The following CYP26B1 variants were observed in gnomAD, a reference collection of about 807,000 sequenced individuals.
CYP26B1 encodes cytochrome P450 26B1.
CYP26B1 carries 8 observed loss-of-function variants against 39.1 expected under a neutral mutation model. The observed-to-expected ratio is 0.20, with a 90% CI of 0.12 to 0.37. The LOEUF is 0.37. CYP26B1 is among the 10% of genes least tolerant of loss of function. The probability of loss-of-function intolerance (pLI) is 1.00; values close to 1 mark genes in which losing one functional copy is unlikely to be tolerated. For synonymous variants in CYP26B1, 321 were observed against 314.3 expected (o/e 1.02, Z -0.23); for missense variants, 615 against 707.0 (o/e 0.87, Z 1.48).
chr2:72,131,824 T>G lies in CYP26B1; in HGVS notation c.*403A>C. On this transcript the variant is annotated 3_prime_UTR_variant, in exon 6 of 6. Transcript: ENST00000001146. ...CGCAGGAGGAGGAGACGCTGAAGAG[T>G]GCGCCCAAGGGGGCACGGCTCTTCC... is the stretch of plus-strand genomic sequence containing the variant. 5.1e-6 allele frequency: 1 copy of G among 194,788 alleles called. No homozygotes were observed. The highest frequency in any genetic ancestry group is 5.6e-5 in the Admixed American group (1 of 17,986). The allele number at this position is 194,788 out of a possible 1,614,324, so 12.1% of individuals were successfully genotyped here. A position where few individuals can be genotyped will look rare whatever the true frequency, so the allele number is the denominator to read the frequency against.
At chr2:72,135,863 T>C (rs1314112264) in intron 2 of CYP26B1, among the ~76,000 whole-genome samples, 1 of 152,156 alleles carries the variant, frequency 6.6e-6, no homozygotes, top group African/African-American at 2.4e-5. Context: ...TGGGTGCAGA[T>C]TCTAGTAAGT....
intron 2 of CYP26B1, among the ~76,000 whole-genome samples, chr2:72,142,625 C>T (rs997526791): frequency 3.9e-5 from 6 of 152,222 alleles, no homozygotes; most frequent in African/African-American, 1.4e-4. Flanking sequence ...CCACTCTCCT[C>T]GCTCTTTGGA....
rs1354771195 is a variant in CYP26B1, at chr2:72,135,130, C to T, written c.705+14G>A. 4 of 1,612,362 alleles carry T rather than the reference C, an allele frequency of 2.5e-6. No individual in the cohort carries two copies. Among genetic ancestry groups the T allele is most frequent in the Non-Finnish European group, 3.4e-6 (4 of 1,179,952 alleles). On this transcript the variant is annotated intron_variant, in intron 3 of 5. Transcript: ENST00000001146. The stretch of plus-strand genomic sequence containing the variant: ...ATGCCCCTGCTCCTCTCCTCCCAGG[C>T]CCTGGGTGCTCACCCGCCGGTAGCC...
At chr2:72,139,246 G>A (rs547127907) in intron 2 of CYP26B1, among the ~76,000 whole-genome samples, 129 of 152,320 alleles carry the variant, frequency 8.5e-4, no homozygotes, top group African/African-American at 2.9e-3. Context: ...GGCCTGCAGA[G>A]TGGAAAGAAT....
At chr2:72,136,149 G>C (rs757781581) in intron 2 of CYP26B1, among the ~76,000 whole-genome samples, 1 of 152,126 alleles carries the variant, frequency 6.6e-6, no homozygotes, top group Non-Finnish European at 1.5e-5. Flanking sequence ...AGGGGAGCAC[G>C]TTAGTTTATT....
chr2:72,130,249 G>A lies in CYP26B1; in HGVS notation c.*1978C>T, dbSNP rs922845090. The stretch of plus-strand genomic sequence containing the variant: ...TGTTGGGGGGAGGGGGTACAGGTCC[G>A]GGTGCACCATGTAGCTATGTTGCAA... On this transcript the variant is annotated 3_prime_UTR_variant, in exon 6 of 6. Transcript: ENST00000001146. 2.6e-5 allele frequency: 4 copies of A among 152,284 alleles called. No homozygotes were observed. Among genetic ancestry groups the A allele is most frequent in the East Asian group, 1.9e-4 (1 of 5,196 alleles). The allele number at this position is 152,284 out of a possible 1,614,324, so 9.4% of individuals were successfully genotyped here.
chr2:72,132,945 G>C (rs1676636545), intron 5 of CYP26B1, 78 bp downstream of exon 5: 2 of 1,597,378 alleles, frequency 1.3e-6, no homozygotes, highest in South Asian at 1.1e-5. Context: ...CCCTGAAATG[G>C]AGGCTGGTGC....
At chr2:72,139,361 A>T (rs1013157778) in intron 2 of CYP26B1, among the ~76,000 whole-genome samples, 4 of 152,208 alleles carry the variant, frequency 2.6e-5, no homozygotes, top group African/African-American at 9.6e-5. Flanking sequence ...TCATCTTCCC[A>T]GCTGCCTGGC....
In CYP26B1 at chr2:72,147,495, G is replaced by T; in HGVS notation, c.204+136C>A. The stretch of plus-strand genomic sequence containing the variant: ...GGCTGGGGAAGCCCGGGCTGCTGCG[G>T]CAGAGAGGAGGGAAGGGGCGGGGCG... On this transcript the variant is annotated intron_variant, in intron 1 of 5. Coordinates refer to ENST00000001146, the MANE Select transcript of CYP26B1 (RefSeq NM_019885.4). This position sits in a 1 kb window ranked among gnomAD's most constrained non-coding sequence, Gnocchi z 6.1. 1.1e-6 allele frequency: 1 copy of T among 900,564 alleles called. No homozygotes were observed. Among genetic ancestry groups the T allele is most frequent in the African/African-American group, 1.8e-5 (1 of 56,180 alleles). The allele number at this position is 900,564 out of a possible 1,614,324, so 55.8% of individuals were successfully genotyped here.
intron 1 of CYP26B1, among the ~76,000 whole-genome samples, chr2:72,145,281 G>A (rs559589614): frequency 6.6e-6 from 1 of 152,302 alleles, no homozygotes; most frequent in Admixed American, 6.5e-5. Context: ...ACTACTTCCA[G>A]CTAAATGTGC....
chr2:72,129,492 T>C lies in CYP26B1; in HGVS notation c.*2735A>G, dbSNP rs1676488736. 6.6e-6 allele frequency: 1 copy of C among 152,582 alleles called. No individual in the cohort carries two copies. Among genetic ancestry groups the C allele is most frequent in the South Asian group, 2.1e-4 (1 of 4,830 alleles). 9.5% of individuals were successfully genotyped at this position (152,582 alleles called of 1,614,324 possible). ...GAACCATGTTTACAATAGAGCAAAA[T>C]TCATATTTTACTAAATAACAAATAT... On this transcript the variant is annotated 3_prime_UTR_variant, in exon 6 of 6. Transcript: ENST00000001146.
intron 2 of CYP26B1, among the ~76,000 whole-genome samples, chr2:72,139,048 C>A (rs1676863745): frequency 6.6e-6 from 1 of 152,216 alleles, no homozygotes; most frequent in Non-Finnish European, 1.5e-5. Context: ...GCTTGCTCAG[C>A]CAGATAGCCT....
In CYP26B1 at chr2:72,130,672, C is replaced by T. The variant is rs947370904; in HGVS notation, c.*1555G>A. 8 of 152,186 alleles carry T rather than the reference C, an allele frequency of 5.3e-5. No individual in the cohort carries two copies. Among genetic ancestry groups the T allele is most frequent in the Non-Finnish European group, 1.0e-4 (7 of 68,040 alleles). The allele number at this position is 152,186 out of a possible 1,614,324, so 9.4% of individuals were successfully genotyped here. A position where few individuals can be genotyped will look rare whatever the true frequency, so the allele number is the denominator to read the frequency against. ...AGGAAAAATCTAGAGACTCACCAAACGCCCGGAAACCTTCCCCAGGAGGCA... is the reference window on the plus strand; with the variant it reads ...AGGAAAAATCTAGAGACTCACCAAATGCCCGGAAACCTTCCCCAGGAGGCA... On this transcript the variant is annotated 3_prime_UTR_variant, in exon 6 of 6. Transcript: ENST00000001146.
intron 4 of CYP26B1, among the ~76,000 whole-genome samples, chr2:72,133,517 A>G (rs1408673473): frequency 6.6e-6 from 1 of 152,220 alleles, no homozygotes; most frequent in African/African-American, 2.4e-5. Flanking sequence ...AGCTGGGCAG[A>G]AGACACAACT....
intron 1 of CYP26B1, 196 bp from the exon 2 acceptor site, chr2:72,144,409 A>G: frequency 2.2e-6 from 3 of 1,386,976 alleles, no homozygotes; most frequent in Non-Finnish European, 2.8e-6. Context: ...AGGATAATAA[A>G]TAATGCAAGG....
chr2:72,146,879 A>C (rs1317240084), intron 1 of CYP26B1, among the ~76,000 whole-genome samples: 1 of 152,184 alleles, frequency 6.6e-6, no homozygotes, highest in Non-Finnish European at 1.5e-5. Flanking sequence ...CGTTATCACC[A>C]GCAGAGTGGG....
intron 1 of CYP26B1, among the ~76,000 whole-genome samples, chr2:72,145,415 G>A (rs1677095117): frequency 6.6e-6 from 1 of 152,250 alleles, no homozygotes; most frequent in African/African-American, 2.4e-5. Context: ...AGCCAGGAGG[G>A]GGGCTGGGCC....
chr2:72,132,520 G>A lies in CYP26B1; in HGVS notation c.1246C>T (p.Arg416Cys). Residue 416 changes from arginine (R) to cysteine (C), a missense_variant, in exon 6 of 6, where the codon CGC becomes TGC. Coordinates refer to ENST00000001146, the MANE Select transcript of CYP26B1 (RefSeq NM_019885.4). ...TCCTCGCTCCGCGCCTGGCTGAAGC[G>A]ATCGGGGTCGAACACGTTCACGTCT... ...FKDVNVFDPD[R>C]FSQARSEDKD... is the part of the protein sequence containing the mutation. The A allele has an allele frequency of 6.2e-7, 1 of 1,610,784 alleles. No individual in the cohort carries two copies. The highest frequency in any genetic ancestry group is 8.5e-7 in the Non-Finnish European group (1 of 1,177,786).
At chr2:72,145,549 G>T (rs1227256845) in intron 1 of CYP26B1, among the ~76,000 whole-genome samples, 1 of 152,220 alleles carries the variant, frequency 6.6e-6, no homozygotes, top group Non-Finnish European at 1.5e-5. Context: ...GACAGAAGGG[G>T]TGGTGAGGCG....
Sources: gnomAD v4.1 joint callset for allele counts (sites outside exome capture counted in the v4.1 genomes callset) on GRCh38, gnomAD v4.1.1 for gene constraint, Gnocchi (gnomAD v3.1) non-coding constraint, MANE v1.5 for transcripts, NCBI Gene and HGNC (gene_info 2026-07-23, HGNC 2026-07-21) for gene names.